RALYL: variants seen among roughly 807,000 people sequenced by gnomAD.
The protein encoded by RALYL is RALY RNA binding protein like.
A neutral mutation model predicts 35.1 loss-of-function variants in RALYL; 29 were observed. The ratio of observed to expected loss-of-function variants is 0.83; its 90% CI spans 0.61 to 1.13. The LOEUF (loss-of-function observed/expected upper bound fraction) is 1.13. Among genes scored for constraint, RALYL ranks in the 50% most tolerant of loss-of-function variants. The pLI is 0.00. For synonymous variants in RALYL, 120 were observed against 127.6 expected, an observed-to-expected ratio of 0.94 and a Z score of 0.40; for missense variants, 359 against 360.4, an observed-to-expected ratio of 1.00 and a Z score of 0.03.
In RALYL at chr8:84,470,828, G is replaced by A. The variant is rs2052638425; in HGVS notation, c.-23-58471G>A. On this transcript the variant is annotated intron_variant, in intron 1 of 8. Coordinates refer to ENST00000521268, the MANE Select transcript of RALYL (RefSeq NM_173848.7). ...CATAGTATATAATTATATGTTAGAG[G>A]GATGATTACACACCAATGAATTACA... Among the ~76,000 whole-genome samples the A allele has an allele frequency of 2.6e-5, 4 of 152,052 alleles. No individual in the cohort carries two copies. The South Asian group carries it at 8.3e-4, about 32-fold the overall frequency.
chr8:84,528,147 T>G (rs1417893166), intron 1 of RALYL, among the ~76,000 whole-genome samples: 1 of 152,158 alleles, frequency 6.6e-6, no homozygotes, highest in African/African-American at 2.4e-5. Context: ...CTGTAATATT[T>G]TAAGAGAGCC....
chr8:84,596,045 C>G (rs1477023935), intron 2 of RALYL, among the ~76,000 whole-genome samples: 2 of 152,056 alleles, frequency 1.3e-5, no homozygotes, highest in African/African-American at 4.8e-5. Flanking sequence ...CTAAGAATTT[C>G]TTAGATATTC....
chr8:84,225,537 G>A (rs554954058), intron 1 of RALYL, among the ~76,000 whole-genome samples: 3 of 151,948 alleles, frequency 2.0e-5, no homozygotes, highest in African/African-American at 4.8e-5. Flanking sequence ...AGTCTTTCTC[G>A]GTTTTCAAAA....
intron 6 of RALYL, 135 bp downstream of exon 6, chr8:84,862,588 A>G (rs894434266): frequency 4.4e-6 from 3 of 689,310 alleles, no homozygotes; most frequent in Admixed American, 8.4e-5. Flanking sequence ...GAAAATCATA[A>G]GATGGATAAA....
chr8:84,414,692 G>C (rs1051715264), intron 1 of RALYL, among the ~76,000 whole-genome samples: 1 of 152,182 alleles, frequency 6.6e-6, no homozygotes, highest in South Asian at 2.1e-4. Context: ...TCCTAATATC[G>C]GGAAATGAAT....
Position 84,342,277 on chromosome 8 carries a change from A to ATATATATATATATATAT in RALYL, c.-24+157853_-24+157854insTATATATATATATATAT, listed in dbSNP as rs1848942440. ...TGAGTGAGGGTACAGAGCATCGTTCAATATATATATATATATATAAAACTC... is the reference window on the plus strand; with the variant it reads ...TGAGTGAGGGTACAGAGCATCGTTCATATATATATATATATATATATATATATATATATATAAAACTC... On this transcript the variant is annotated intron_variant, in intron 1 of 8. Transcript: ENST00000521268. Among the ~76,000 whole-genome samples the ATATATATATATATATAT allele has an allele frequency of 3.5e-4, 23 of 66,108 alleles. 2 individuals are homozygous for ATATATATATATATATAT. Among genetic ancestry groups the ATATATATATATATATAT allele is most frequent in the African/African-American group, 1.2e-3 (16 of 13,296 alleles). The allele number at this position is 66,108 out of a possible 152,430, so 43.4% of individuals were successfully genotyped here.
intron 8 of RALYL, among the ~76,000 whole-genome samples, chr8:84,909,009 G>A (rs1847048315): frequency 6.6e-6 from 1 of 152,086 alleles, no homozygotes; most frequent in Non-Finnish European, 1.5e-5. Context: ...GCATTTCCAT[G>A]CCATGTATTC....
intron 1 of RALYL, among the ~76,000 whole-genome samples, chr8:84,494,449 GGTA>G (rs1178314822): frequency 2.0e-5 from 3 of 152,058 alleles, no homozygotes. Context: ...GAATGTTCAT[GGTA>G]GTTTGATGGG....
chr8:84,198,067 C>T (rs186425661), intron 1 of RALYL, among the ~76,000 whole-genome samples: 2 of 152,128 alleles, frequency 1.3e-5, no homozygotes, highest in African/African-American at 4.8e-5. Flanking sequence ...TTTTCAATAT[C>T]TATGTACACA....
intron 2 of RALYL, among the ~76,000 whole-genome samples, chr8:84,659,108 G>A (rs557287037): frequency 1.3e-5 from 2 of 152,224 alleles, no homozygotes; most frequent in South Asian, 4.1e-4. Flanking sequence ...ACTGACCAAG[G>A]AGCTAGTTAG....
At chr8:84,759,502 T>G (rs2718984) in intron 2 of RALYL, among the ~76,000 whole-genome samples, 41,017 of 151,976 alleles carry the variant, frequency 0.27, 5,937 homozygotes, top group African/African-American at 0.35. Flanking sequence ...CCTTTCTCTT[T>G]CTCAGGTATC....
At chr8:84,360,900 T>C (rs186854252) in intron 1 of RALYL, among the ~76,000 whole-genome samples, 3 of 152,018 alleles carry the variant, frequency 2.0e-5, no homozygotes, top group African/African-American at 2.4e-5. Flanking sequence ...GACTGATTTT[T>C]CTAGCAGTGA....
chr8:84,222,174 A>G (rs1822394290), intron 1 of RALYL, among the ~76,000 whole-genome samples: 1 of 152,064 alleles, frequency 6.6e-6, no homozygotes. Flanking sequence ...GTAAATTACT[A>G]TTATGCTTGC....
intron 1 of RALYL, among the ~76,000 whole-genome samples, chr8:84,333,255 C>T (rs1374413014): frequency 6.6e-6 from 1 of 152,074 alleles, no homozygotes; most frequent in Non-Finnish European, 1.5e-5. Context: ...TGTTCAGTCT[C>T]ACCATAAATA....
chr8:84,193,358 G>T (rs553450930), intron 1 of RALYL, among the ~76,000 whole-genome samples: 1 of 152,170 alleles, frequency 6.6e-6, no homozygotes, highest in African/African-American at 2.4e-5. Flanking sequence ...ATTTCAGAAT[G>T]TTCTAAGAAG....
Position 84,873,313 on chromosome 8 carries a change from A to C in RALYL, c.601A>C (p.Lys201Gln), listed in dbSNP as rs1486010768. The change falls in exon 7 of 9, where the codon AAA (lysine) becomes CAA (glutamine). Residue 201 changes from lysine (K) to glutamine (Q), a missense_variant. By Grantham distance (53) the Lys-to-Gln change is moderately conservative (BLOSUM62 1). Coordinates refer to ENST00000521268, the MANE Select transcript of RALYL (RefSeq NM_173848.7). ...ATCAGATGAGTTACAGACCATCAAG[A>C]AAGAATTAACCCAGATCAAAACTAA... ...LKSDELQTIKKELTQIKTKID... is the reference protein window; with the variant it reads ...LKSDELQTIKQELTQIKTKID... The C allele has an allele frequency of 6.3e-7, 1 of 1,597,422 alleles. No homozygotes were observed. The highest frequency in any genetic ancestry group is 1.1e-5 in the South Asian group (1 of 88,004).
intron 4 of RALYL, among the ~76,000 whole-genome samples, chr8:84,824,492 C>A (rs1218586496): frequency 2.0e-5 from 3 of 151,878 alleles, no homozygotes; most frequent in Non-Finnish European, 2.9e-5. Flanking sequence ...CATTATTTTT[C>A]TCAGAACTAG....
At chr8:84,255,373 TTAAGA>T (rs1352413751) in intron 1 of RALYL, among the ~76,000 whole-genome samples, 1 of 152,136 alleles carries the variant, frequency 6.6e-6, no homozygotes, top group Non-Finnish European at 1.5e-5. Flanking sequence ...GAAAAATTAG[TTAAGA>T]TAATATTAAA....
At chr8:84,453,923 A>G (rs2049821394) in intron 1 of RALYL, among the ~76,000 whole-genome samples, 1 of 151,996 alleles carries the variant, frequency 6.6e-6, no homozygotes, top group South Asian at 2.1e-4. Flanking sequence ...TTATTTGTTT[A>G]TTTATACCAA....
Sources: gnomAD v4.1 joint callset for allele counts (sites outside exome capture counted in the v4.1 genomes callset) on GRCh38, gnomAD v4.1.1 for gene constraint, MANE v1.5 for transcripts, NCBI Gene and HGNC (gene_info 2026-07-23, HGNC 2026-07-21) for gene names.